Variants in GRM5 observed in about 807,000 individuals in gnomAD.
GRM5 encodes glutamate metabotropic receptor 5, also known as metabotropic glutamate receptor 5.
A neutral mutation model predicts 83.1 loss-of-function variants in GRM5; 19 were observed. That is an observed-to-expected ratio of 0.23 (90% confidence interval 0.16 to 0.34). The LOEUF is 0.34. GRM5 is among the 10% of genes least tolerant of loss of function. The probability of loss-of-function intolerance (pLI) is 1.00; values close to 1 mark genes in which losing one functional copy is unlikely to be tolerated. For synonymous variants in GRM5, 675 were observed against 633.6 expected, an observed-to-expected ratio of 1.07 and a Z score of -0.98; for missense variants, 1,160 against 1,588.3, an observed-to-expected ratio of 0.73 and a Z score of 4.58.
intron 3 of GRM5, among the ~76,000 whole-genome samples, chr11:88,669,149 T>A (rs10831257): frequency 0.018 from 2,722 of 152,262 alleles, 65 homozygotes; most frequent in East Asian, 0.096. Context: ...AAATGTTCAC[T>A]AGTGGATGAA....
chr11:88,593,748 CGCTCCCTCCCTCCT>C (rs1319144444), intron 6 of GRM5, among the ~76,000 whole-genome samples: 3 of 142,278 alleles, frequency 2.1e-5, no homozygotes, highest in African/African-American at 7.9e-5. Flanking sequence ...CTCCCTCCTT[CGCTCCCTCCCTCCT>C]TCTCTCTCTC....
At chr11:88,876,678 T>C (rs1285586529) in intron 2 of GRM5, among the ~76,000 whole-genome samples, 2 of 152,016 alleles carry the variant, frequency 1.3e-5, no homozygotes, top group East Asian at 3.9e-4. Flanking sequence ...AGATGATTAA[T>C]TGGCCTAACT....
chr11:88,829,580 A>AAT (rs1277410748), intron 3 of GRM5, among the ~76,000 whole-genome samples: 2 of 152,208 alleles, frequency 1.3e-5, no homozygotes, highest in African/African-American at 4.8e-5. Context: ...TATAATTTAA[A>AAT]ATATGTATAA....
intron 2 of GRM5, among the ~76,000 whole-genome samples, chr11:88,930,983 T>C (rs1937684698): frequency 6.6e-6 from 1 of 152,160 alleles, no homozygotes; most frequent in Non-Finnish European, 1.5e-5. Flanking sequence ...GCTGATTTTA[T>C]TATTTCTAGA....
chr11:88,950,207 G>A (rs1938412887), intron 2 of GRM5, among the ~76,000 whole-genome samples: 1 of 151,738 alleles, frequency 6.6e-6, no homozygotes, highest in South Asian at 2.1e-4. Flanking sequence ...CACCATTAAG[G>A]GCAACTACTC....
intron 2 of GRM5, among the ~76,000 whole-genome samples, chr11:89,026,274 C>G (rs147920012): frequency 2.0e-5 from 3 of 152,102 alleles, no homozygotes; most frequent in African/African-American, 7.2e-5. Flanking sequence ...CACAATTTAC[C>G]CATGTAACAA....
rs144381433 is a variant in GRM5, at chr11:88,841,481, C to T, written c.911+8425G>A. 8.5e-5 allele frequency among the ~76,000 whole-genome samples: 13 copies of T among 152,056 alleles called. No homozygotes were observed. The East Asian group carries it at 2.5e-3, about 29-fold the overall frequency. ...CTCTAAATGTATGCCTTTCTTATAC[C>T]CAATCATACACCTACATAAAAGCTG... is the stretch of plus-strand genomic sequence containing the variant. On this transcript the variant is annotated intron_variant, in intron 3 of 9. Coordinates refer to ENST00000305447, the MANE Select transcript of GRM5 (RefSeq NM_001143831.3).
intron 2 of GRM5, among the ~76,000 whole-genome samples, chr11:88,973,478 G>A (rs2135008601): frequency 6.6e-6 from 1 of 152,220 alleles, no homozygotes; most frequent in South Asian, 2.1e-4. Flanking sequence ...ACTTAATCCA[G>A]ACAGAAGAGG....
At chr11:88,829,635 ATTCTT>A (rs1336914768) in intron 3 of GRM5, among the ~76,000 whole-genome samples, 4 of 152,186 alleles carry the variant, frequency 2.6e-5, no homozygotes, top group Non-Finnish European at 4.4e-5. Context: ...ATGGGAAAGA[ATTCTT>A]TATTTACTAA....
In GRM5 at chr11:88,567,730, A is replaced by T. The variant is rs1299532519; in HGVS notation, c.1953T>A (p.Ile651=). ...QIYCYLQRIG[I]GLSPAMSYSA... ...AGTAGCTCATGGCTGGGGAGAGACC[A>T]ATGCCAATTCTCTGAAGGTAGCAGT... The change falls in exon 8 of 10, where the codon ATT becomes ATA. Residue 651 remains isoleucine, a synonymous_variant. Transcript: ENST00000305447. The surrounding 1 kb of genome is among the most constrained non-coding windows in gnomAD (Gnocchi z 7.3). 2 of 1,614,062 alleles carry T rather than the reference A, an allele frequency of 1.2e-6. No individual in the cohort carries two copies.
chr11:88,594,631 A>G (rs552965896), intron 6 of GRM5, among the ~76,000 whole-genome samples: 3 of 152,212 alleles, frequency 2.0e-5, no homozygotes, highest in Non-Finnish European at 4.4e-5. Flanking sequence ...AGCAGACATT[A>G]ATTAATTTAT....
intron 2 of GRM5, among the ~76,000 whole-genome samples, chr11:89,038,882 G>A (rs924171421): frequency 1.3e-5 from 2 of 152,030 alleles, no homozygotes; most frequent in African/African-American, 4.8e-5. Context: ...TTTAGCTGCA[G>A]AAAAAAATCA....
At chr11:88,666,466 C>A (rs978376137) in intron 3 of GRM5, among the ~76,000 whole-genome samples, 1 of 152,160 alleles carries the variant, frequency 6.6e-6, no homozygotes, top group African/African-American at 2.4e-5. Flanking sequence ...TCGAGTCTCT[C>A]AAGAGTGAGA....
chr11:88,682,324 C>T (rs1940516934), intron 3 of GRM5, among the ~76,000 whole-genome samples: 1 of 152,202 alleles, frequency 6.6e-6, no homozygotes, highest in Admixed American at 6.5e-5. Context: ...AAAGCAGCAT[C>T]ATGCAACTTT....
chr11:88,956,784 CG>C lies in GRM5; in HGVS notation c.661+90427del, dbSNP rs201292383. ...TTGCGCCACTGCAGTCCGGCCTGGG[CG>C]AAAGAATGAGACTCCGTCAAAAGAA... On this transcript the variant is annotated intron_variant, in intron 2 of 9. Transcript: ENST00000305447. 5.3e-5 allele frequency among the ~76,000 whole-genome samples: 8 copies of C among 152,182 alleles called. No individual in the cohort carries two copies. The East Asian group carries it at 1.5e-3, about 29-fold the overall frequency.
intron 3 of GRM5, among the ~76,000 whole-genome samples, chr11:88,799,988 G>T (rs970690444): frequency 4.6e-5 from 7 of 152,152 alleles, no homozygotes; most frequent in Non-Finnish European, 5.9e-5. Flanking sequence ...AGTGAAAAGA[G>T]AAACCAACAT....
intron 2 of GRM5, among the ~76,000 whole-genome samples, chr11:89,001,106 T>C (rs1228164194): frequency 2.6e-5 from 4 of 151,908 alleles, no homozygotes; most frequent in Non-Finnish European, 4.4e-5. Flanking sequence ...TAAAATAACC[T>C]GCTAGGTTAT....
chr11:88,887,226 C>T (rs986425043), intron 2 of GRM5, among the ~76,000 whole-genome samples: 2 of 152,174 alleles, frequency 1.3e-5, no homozygotes, highest in African/African-American at 4.8e-5. Flanking sequence ...TTAGTCCATA[C>T]ATTTTTAAGA....
At chr11:89,050,066 G>T (rs996318312) in intron 1 of GRM5, among the ~76,000 whole-genome samples, 4 of 152,090 alleles carry the variant, frequency 2.6e-5, no homozygotes, top group African/African-American at 9.7e-5. Context: ...GTCCTGTCAG[G>T]CTCGTGTGGC....
Sources: allele counts gnomAD v4.1 joint callset (sites outside exome capture counted in the v4.1 genomes callset), GRCh38; gene constraint gnomAD v4.1.1; non-coding constraint Gnocchi (gnomAD v3.1); transcripts MANE v1.5; gene names NCBI Gene and HGNC (gene_info 2026-07-23, HGNC 2026-07-21).